TUSC3: variants seen among roughly 807,000 people sequenced by gnomAD.
TUSC3 encodes tumor suppressor candidate 3.
TUSC3 carries 45 observed loss-of-function variants against 44.8 expected under a neutral mutation model. That is an observed-to-expected ratio of 1.00 (90% confidence interval 0.79 to 1.29). TUSC3 has a LOEUF of 1.29. TUSC3 is among the 50% of genes most tolerant of loss of function. The probability of loss-of-function intolerance (pLI) is 0.00; values close to 1 mark genes in which losing one functional copy is unlikely to be tolerated. For synonymous variants in TUSC3, 212 were observed against 152.9 expected (o/e 1.39, Z -2.85); for missense variants, 519 against 437.9 (o/e 1.19, Z -1.65).
chr8:15,842,120 A>G, the TUSC3 span, among the ~76,000 whole-genome samples: 1 of 152,148 alleles, frequency 6.6e-6, no homozygotes, highest in African/African-American at 2.4e-5. Context: ...TTTTTTGAGC[A>G]CTTACTGAAC....
chr8:15,751,379 C>G lies in TUSC3; in HGVS notation c.1028+2914C>G, dbSNP rs188511013. 1.6e-3 allele frequency among the ~76,000 whole-genome samples: 241 copies of G among 152,282 alleles called. 2 individuals are homozygous for G. Among genetic ancestry groups the G allele is most frequent in the South Asian group, 0.014 (67 of 4,822 alleles). On this transcript the variant is annotated intron_variant, in intron 9 of 10. Transcript: ENST00000503731. The stretch of plus-strand genomic sequence containing the variant: ...AAATGGCTAATCTCTTGCTCCAATC[C>G]TTCCACTATTATTACTGAGTAATGT...
At chr8:15,609,551 C>G (rs748052058) in intron 1 of TUSC3, among the ~76,000 whole-genome samples, 39 of 151,970 alleles carry the variant, frequency 2.6e-4, no homozygotes, top group Non-Finnish European at 4.4e-4. Flanking sequence ...AAAATGGTGA[C>G]AGAAGCTAAT....
In TUSC3 at chr8:15,692,430, C is replaced by A. The variant is rs1217989015; in HGVS notation, c.798+18594C>A. On this transcript the variant is annotated intron_variant, in intron 6 of 10. Coordinates refer to ENST00000503731, the MANE Select transcript of TUSC3 (RefSeq NM_006765.4). ...AGTTTCAGTGGGAATGGTACCAGCT[C>A]TTCTTTATACATCTGGTAGAATTTG... 2.6e-5 allele frequency among the ~76,000 whole-genome samples: 3 copies of A among 113,554 alleles called. No homozygotes were observed. The Admixed American group carries it at 3.8e-4, about 14-fold the overall frequency. The allele number at this position is 113,554 out of a possible 152,430, so 74.5% of individuals were successfully genotyped here.
the TUSC3 span, among the ~76,000 whole-genome samples, chr8:15,836,433 C>T: frequency 2.7e-5 from 4 of 148,988 alleles, no homozygotes; most frequent in Non-Finnish European, 4.4e-5. Flanking sequence ...GCTGGGATCA[C>T]ACCACCGCAC....
At chr8:15,695,065 T>A (rs191040698) in intron 6 of TUSC3, among the ~76,000 whole-genome samples, 14 of 152,266 alleles carry the variant, frequency 9.2e-5, no homozygotes, top group African/African-American at 3.1e-4. Flanking sequence ...CTGACAGCAG[T>A]GGCAGCGCAG....
chr8:15,791,473 G>A, the TUSC3 span, among the ~76,000 whole-genome samples: 6 of 152,000 alleles, frequency 3.9e-5, no homozygotes, highest in Non-Finnish European at 8.8e-5. Context: ...ACATTGCATT[G>A]TAAACTGGAT....
At chr8:15,841,033 G>C in the TUSC3 span, among the ~76,000 whole-genome samples, 3 of 152,088 alleles carry the variant, frequency 2.0e-5, no homozygotes, top group Non-Finnish European at 4.4e-5. Context: ...AGTCCCTTTA[G>C]TCCAATTAAA....
At chr8:15,561,747 GGT>G (rs1802473105) in intron 1 of TUSC3, 1 of 145,534 alleles carries the variant, frequency 6.9e-6, no homozygotes. Context: ...GCAGTATTCG[GGT>G]ATGAGTGACC....
At chr8:15,748,325 T>C in intron 8 of TUSC3, 50 bp from the exon 9 acceptor site, 6 of 1,360,554 alleles carry the variant, frequency 4.4e-6, no homozygotes, top group Non-Finnish European at 6.3e-6. Context: ...ACAATTGGGG[T>C]TTCATTTGCA....
At chr8:15,649,550 C>G (rs544336287) in intron 2 of TUSC3, among the ~76,000 whole-genome samples, 1 of 150,640 alleles carries the variant, frequency 6.6e-6, no homozygotes, top group African/African-American at 2.4e-5. Flanking sequence ...CGCCACTGCA[C>G]TCCAGCCTGG....
intron 1 of TUSC3, among the ~76,000 whole-genome samples, chr8:15,616,223 T>C (rs1038105793): frequency 6.6e-6 from 1 of 152,222 alleles, no homozygotes; most frequent in Admixed American, 6.5e-5. Context: ...TTTAGAAGTT[T>C]ATAGTGACAT....
At chr8:15,817,490 T>C in the TUSC3 span, among the ~76,000 whole-genome samples, 2 of 152,178 alleles carry the variant, frequency 1.3e-5, no homozygotes, top group Non-Finnish European at 2.9e-5. Context: ...TCCCCATGTG[T>C]TGTGGAGGGA....
At chr8:15,428,600 T>G (rs1376452885) in intron 1 of TUSC3, among the ~76,000 whole-genome samples, 1 of 152,168 alleles carries the variant, frequency 6.6e-6, no homozygotes, top group Non-Finnish European at 1.5e-5. Context: ...TGTAAAAGTG[T>G]TCCTATTTCT....
In TUSC3 at chr8:15,689,867, A is replaced by AATATAT. The variant is rs3988418; in HGVS notation, c.798+16040_798+16045dup. On this transcript the variant is annotated intron_variant, in intron 6 of 10. Coordinates refer to ENST00000503731, the MANE Select transcript of TUSC3 (RefSeq NM_006765.4). ...GTGTGTGTGTGTGTGTGTGTGTATA[A>AATATAT]ATATATATATATATGCATGCCACAT... is the stretch of plus-strand genomic sequence containing the variant. Among the ~76,000 whole-genome samples, 1,385 of 142,902 alleles carry AATATAT rather than the reference A, an allele frequency of 9.7e-3. 15 individuals are homozygous for AATATAT. The highest frequency in any genetic ancestry group is 0.021 in the African/African-American group (787 of 38,302). 93.7% of individuals were successfully genotyped at this position (142,902 alleles called of 152,430 possible).
intron 2 of TUSC3, among the ~76,000 whole-genome samples, chr8:15,643,109 C>A (rs1004412160): frequency 2.0e-5 from 3 of 152,062 alleles, no homozygotes; most frequent in Non-Finnish European, 4.4e-5. Flanking sequence ...GGGGCTTTTC[C>A]GCCTTTGCTT....
chr8:15,483,649 A>ATGTTTTTTTTTTTTTTTT (rs1800694380), intron 2 of TUSC3, among the ~76,000 whole-genome samples: 2 of 66,166 alleles, frequency 3.0e-5, no homozygotes, highest in Non-Finnish European at 5.5e-5. Flanking sequence ...TAGCACTGTG[A>ATGTTTTTTTTTTTTTTTT]TTTTTTTTTT....
intron 8 of TUSC3, 135 bp from the exon 9 acceptor site, chr8:15,748,240 C>G: frequency 1.4e-6 from 1 of 718,512 alleles, no homozygotes; most frequent in Non-Finnish European, 2.5e-6. Context: ...ATCCAAATAC[C>G]TGTTTGTTGT....
chr8:15,710,672 A>C (rs190781820), intron 6 of TUSC3, among the ~76,000 whole-genome samples: 3 of 151,828 alleles, frequency 2.0e-5, no homozygotes, highest in Admixed American at 6.6e-5. Context: ...CTAGAAATGC[A>C]CCTTTGTAGC....
At chr8:15,522,660 C>A (rs4831734) in intron 2 of TUSC3, among the ~76,000 whole-genome samples, 1 of 151,652 alleles carries the variant, frequency 6.6e-6, no homozygotes, top group Non-Finnish European at 1.5e-5. Flanking sequence ...GGCTGTTTCC[C>A]TACTCCATCT....
Sources: gnomAD v4.1 joint callset for allele counts (sites outside exome capture counted in the v4.1 genomes callset) on GRCh38, gnomAD v4.1.1 for gene constraint, MANE v1.5 for transcripts, NCBI Gene and HGNC (gene_info 2026-07-23, HGNC 2026-07-21) for gene names.